HEATR4: variants seen among roughly 807,000 people sequenced by gnomAD.
HEATR4 encodes HEAT repeat-containing protein 4.
A neutral mutation model predicts 108.8 loss-of-function variants in HEATR4; 95 were observed. The observed-to-expected ratio is 0.87, with a 90% confidence interval of 0.74 to 1.04. The LOEUF (loss-of-function observed/expected upper bound fraction) is 1.04. HEATR4 is among the 50% of genes least tolerant of loss of function. The pLI is 0.00. For synonymous variants in HEATR4, 443 were observed against 459.4 expected (o/e 0.96, Z 0.46); for missense variants, 1,152 against 1,253.8 (o/e 0.92, Z 1.23).
upstream of HEATR4, among the ~76,000 whole-genome samples, chr14:73,562,702 T>A (rs1358134485): frequency 6.6e-6 from 1 of 152,112 alleles, no homozygotes; most frequent in South Asian, 2.1e-4. Context: ...GTCTGTCTTG[T>A]GCCGTTGAGA....
chr14:73,542,258 A>G (rs2140314423), intron 1 of HEATR4, among the ~76,000 whole-genome samples: 1 of 108,454 alleles, frequency 9.2e-6, no homozygotes, highest in African/African-American at 3.1e-5. Context: ...TCGGCCTCCC[A>G]GAGTGCTGGA....
chr14:73,498,991 A>C (rs554518069), intron 13 of HEATR4, 80 bp downstream of exon 13: 2 of 1,181,880 alleles, frequency 1.7e-6, no homozygotes, highest in East Asian at 4.7e-5. Context: ...ACCCCATTAG[A>C]GAGTTTCAGG....
chr14:73,600,173 A>G, the HEATR4 span, among the ~76,000 whole-genome samples: 1 of 152,228 alleles, frequency 6.6e-6, no homozygotes, highest in South Asian at 2.1e-4. Context: ...TGTGGCACAC[A>G]GCTGTCACTA....
At chr14:73,574,867 G>C in the HEATR4 span, 2 of 1,613,396 alleles carry the variant, frequency 1.2e-6, no homozygotes, top group Non-Finnish European at 1.7e-6. Flanking sequence ...TCCACTGTTT[G>C]TGGAATCATT....
chr14:73,615,139 G>T, the HEATR4 span, among the ~76,000 whole-genome samples: 1 of 150,700 alleles, frequency 6.6e-6, no homozygotes, highest in Admixed American at 6.6e-5. Context: ...TCTAATCCCG[G>T]CACTTTGGGA....
the HEATR4 span, among the ~76,000 whole-genome samples, chr14:73,631,033 A>T: frequency 2.0e-5 from 3 of 152,228 alleles, no homozygotes; most frequent in African/African-American, 7.2e-5. Flanking sequence ...GGATGGCTCT[A>T]AACCAGAAAC....
chr14:73,599,057 T>C, the HEATR4 span, among the ~76,000 whole-genome samples: 2 of 151,360 alleles, frequency 1.3e-5, no homozygotes, highest in Admixed American at 6.6e-5. Flanking sequence ...TGTGATGCTG[T>C]GATGAAGCTT....
chr14:73,604,592 T>G, the HEATR4 span, among the ~76,000 whole-genome samples: 1 of 152,008 alleles, frequency 6.6e-6, no homozygotes, highest in African/African-American at 2.4e-5. Context: ...TTCAAGTGAT[T>G]CTGCTGCCTC....
intron 17 of HEATR4, among the ~76,000 whole-genome samples, chr14:73,488,033 T>G (rs902998821): frequency 6.6e-5 from 10 of 152,154 alleles, no homozygotes; most frequent in African/African-American, 2.4e-4. Context: ...GGCACCTAGG[T>G]AGATTTTGAG....
At chr14:73,519,606 A>G (rs1415475837) in intron 4 of HEATR4, among the ~76,000 whole-genome samples, 2 of 152,082 alleles carry the variant, frequency 1.3e-5, no homozygotes, top group Non-Finnish European at 2.9e-5. Context: ...TTAGCTGGGT[A>G]CAGCTACTCG....
intron 1 of HEATR4, among the ~76,000 whole-genome samples, chr14:73,556,134 C>T (rs1566854406): frequency 1.8e-5 from 2 of 111,788 alleles, no homozygotes; most frequent in South Asian, 2.9e-4. Context: ...ATTAGAAATT[C>T]TTAAGGAGGC....
At chr14:73,497,860 A>G (rs1886197761) in intron 14 of HEATR4, among the ~76,000 whole-genome samples, 1 of 152,194 alleles carries the variant, frequency 6.6e-6, no homozygotes. Flanking sequence ...TCCCGACCTC[A>G]GGTGATCCTC....
the HEATR4 span, among the ~76,000 whole-genome samples, chr14:73,589,835 G>A: frequency 6.6e-6 from 1 of 151,708 alleles, no homozygotes; most frequent in Non-Finnish European, 1.5e-5. Flanking sequence ...CTCAGAGTTT[G>A]TTCCTTCTGG....
chr14:73,614,819 G>T, the HEATR4 span, among the ~76,000 whole-genome samples: 2,221 of 149,114 alleles, frequency 0.015, 55 homozygotes, highest in African/African-American at 0.052. Flanking sequence ...ACAAGGAGCC[G>T]GGCGCAGTGG....
At chr14:73,552,996 C>T (rs1348834338) in intron 1 of HEATR4, among the ~76,000 whole-genome samples, 1 of 114,914 alleles carries the variant, frequency 8.7e-6, no homozygotes, top group African/African-American at 2.8e-5. Context: ...ATTCCTGACT[C>T]CCACTGTTCC....
chr14:73,527,961 C>CAAAA, intron 2 of HEATR4, among the ~76,000 whole-genome samples: 1 of 52,676 alleles, frequency 1.9e-5, no homozygotes, highest in East Asian at 6.2e-4. Context: ...AACTCCATCT[C>CAAAA]AAAAAAAAAA....
At chr14:73,601,521 G>A in the HEATR4 span, among the ~76,000 whole-genome samples, 29 of 151,996 alleles carry the variant, frequency 1.9e-4, no homozygotes, top group East Asian at 4.7e-3. Flanking sequence ...CTGAGATCGC[G>A]CCACTGCATT....
At chr14:73,497,036 C>T (rs1018246156) in intron 14 of HEATR4, among the ~76,000 whole-genome samples, 9 of 152,202 alleles carry the variant, frequency 5.9e-5, no homozygotes, top group South Asian at 2.1e-4. Flanking sequence ...GCTGGGACTA[C>T]AGGCGCGTGC....
chr14:73,518,324 A>G (rs1887752516), intron 5 of HEATR4, among the ~76,000 whole-genome samples: 1 of 150,770 alleles, frequency 6.6e-6, no homozygotes, highest in African/African-American at 2.4e-5. Context: ...GAATTGCTTG[A>G]ACCAGGAAGA....
Sources: gnomAD v4.1 joint callset for allele counts (sites outside exome capture counted in the v4.1 genomes callset) on GRCh38, gnomAD v4.1.1 for gene constraint, MANE v1.5 for transcripts, NCBI Gene and HGNC (gene_info 2026-07-23, HGNC 2026-07-21) for gene names.